The following ECHDC2 variants were observed in gnomAD, a reference collection of about 807,000 sequenced individuals.
ECHDC2 encodes the protein enoyl-CoA hydratase domain-containing protein 2, mitochondrial.
In ECHDC2, 34 loss-of-function variants were observed where a neutral mutation model predicts 40.6. The ratio of observed to expected loss-of-function variants is 0.84; its 90% CI spans 0.64 to 1.11. The LOEUF (loss-of-function observed/expected upper bound fraction) is 1.11. ECHDC2 is among the 50% of genes most tolerant of loss of function. The probability of loss-of-function intolerance (pLI) is 0.00; values close to 1 mark genes in which losing one functional copy is unlikely to be tolerated. For missense variants in ECHDC2, 392 were observed against 400.7 expected (o/e 0.98, Z 0.19); for synonymous variants, 162 against 166.6 (o/e 0.97, Z 0.21).
At chr1:52,904,325 T>C (rs1647216738) in intron 7 of ECHDC2, among the ~76,000 whole-genome samples, 1 of 152,342 alleles carries the variant, frequency 6.6e-6, no homozygotes, top group East Asian at 1.9e-4. Flanking sequence ...TTCTGCAATT[T>C]AAATCATTTG....
At chr1:52,897,660 A>G (rs1363187824) in intron 8 of ECHDC2, 176 bp from the exon 9 acceptor site, 3 of 668,508 alleles carry the variant, frequency 4.5e-6, no homozygotes, top group South Asian at 1.7e-5. Flanking sequence ...GCTGGGAGAA[A>G]CGAGACAGAC....
At chr1:52,909,471 T>C (rs1011103712) in intron 3 of ECHDC2, among the ~76,000 whole-genome samples, 2 of 150,380 alleles carry the variant, frequency 1.3e-5, no homozygotes. Flanking sequence ...ACTGGAAGAA[T>C]CGTCTTGGGC....
chr1:52,920,292 G>A (rs531500723), intron 1 of ECHDC2: 322 of 588,736 alleles, frequency 5.5e-4, no homozygotes, highest in Non-Finnish European at 4.4e-4. Flanking sequence ...CTTGGGAACA[G>A]TGGGCAACAG....
intron 9 of ECHDC2, chr1:52,897,107 T>G (rs1187837427): frequency 7.0e-6 from 3 of 428,802 alleles, no homozygotes; most frequent in African/African-American, 2.0e-5. Flanking sequence ...AACCAAGCCC[T>G]TGACCTCCCA....
chr1:52,898,808 C>T (rs1049646476), intron 8 of ECHDC2: 3 of 364,296 alleles, frequency 8.2e-6, no homozygotes, highest in African/African-American at 6.4e-5. Flanking sequence ...AAGGCATCAC[C>T]CCAAGCCCTG....
Position 52,921,707 on chromosome 1 carries a change from G to C in ECHDC2, c.-34C>G, listed in dbSNP as rs7552139. 805,676 of 1,483,702 alleles carry C rather than the reference G, an allele frequency of 0.54. 227,363 individuals are homozygous for C. Among genetic ancestry groups the C allele is most frequent in the Non-Finnish European group, 0.59 (657,535 of 1,123,174 alleles). 91.9% of individuals were successfully genotyped at this position (1,483,702 alleles called of 1,614,324 possible). On this transcript the variant is annotated 5_prime_UTR_variant, in exon 1 of 10. Coordinates refer to ENST00000371522, the MANE Select transcript of ECHDC2 (RefSeq NM_001198961.2). Reference sequence around the variant, plus strand: ...AGGCTGGGAGTGAAGGTGCTTCTCCGGCCCTGCACCGTCTCGGCTCCCGCT... The same window carrying C: ...AGGCTGGGAGTGAAGGTGCTTCTCCCGCCCTGCACCGTCTCGGCTCCCGCT...
chr1:52,921,419 G>C, intron 1 of ECHDC2, 134 bp downstream of exon 1: 1 of 1,426,780 alleles, frequency 7.0e-7, no homozygotes. Context: ...GGAGCGGTTT[G>C]GGGCGCCTAG....
In ECHDC2 at chr1:52,911,619, C is replaced by T. The variant is rs139969883; in HGVS notation, c.224G>A (p.Arg75Gln). Residue 75 changes from arginine to glutamine, a missense_variant, in exon 3 of 10, where the codon CGG becomes CAG. Physicochemically the swap from Arg to Gln is conservative, Grantham distance 43. Coordinates refer to ENST00000371522, the MANE Select transcript of ECHDC2 (RefSeq NM_001198961.2). Reference protein sequence around the residue: ...LETLAQLREDRQVRVLLFRSG... With the variant: ...LETLAQLREDQQVRVLLFRSG... ...TCTGAAGAGCAGGACACGCACTTGC[C>T]GGTCCTCCCGCAGCTGGGCCAGAGT... The T allele has an allele frequency of 9.4e-5, 152 of 1,614,180 alleles. No homozygotes were observed. In the African/African-American group the frequency reaches 1.1e-3, roughly 11 times the overall value.
intron 8 of ECHDC2, 141 bp from the exon 9 acceptor site, chr1:52,897,625 C>A (rs1646721648): frequency 2.5e-6 from 2 of 807,122 alleles, no homozygotes; most frequent in East Asian, 2.5e-5. Flanking sequence ...AGAGAAGAAA[C>A]ACCATTCGTA....
At chr1:52,900,741 G>A (rs1004594274) in intron 7 of ECHDC2, 11 of 152,306 alleles carry the variant, frequency 7.2e-5, no homozygotes, top group African/African-American at 2.4e-4. Flanking sequence ...AACTGGGGTA[G>A]TCACAGGTAA....
chr1:52,904,272 G>A (rs1444685954), intron 7 of ECHDC2, among the ~76,000 whole-genome samples: 1 of 152,148 alleles, frequency 6.6e-6, no homozygotes, highest in Non-Finnish European at 1.5e-5. Flanking sequence ...GTGGCTATTA[G>A]CATTTGAAAT....
At chr1:52,907,671 A>G in intron 4 of ECHDC2, 197 bp downstream of exon 4, 1 of 552,852 alleles carries the variant, frequency 1.8e-6, no homozygotes, top group African/African-American at 1.9e-5. Context: ...GCGGGACACA[A>G]AAGCTGAAGA....
chr1:52,908,004 G>A (rs770326097), intron 3 of ECHDC2, 50 bp from the exon 4 acceptor site: 37 of 1,562,630 alleles, frequency 2.4e-5, no homozygotes, highest in Admixed American at 1.8e-4. Flanking sequence ...GGCACTTTAC[G>A]GAATCCCAGG....
chr1:52,910,530 G>A (rs1296295011), intron 3 of ECHDC2, among the ~76,000 whole-genome samples: 1 of 151,288 alleles, frequency 6.6e-6, no homozygotes, highest in Non-Finnish European at 1.5e-5. Flanking sequence ...CACAATGCCT[G>A]GCTAATTTTT....
chr1:52,897,928 T>C lies in ECHDC2; in HGVS notation c.754-444A>G, dbSNP rs1324446729. 5 of 250,234 alleles carry C rather than the reference T, an allele frequency of 2.0e-5. No individual in the cohort carries two copies. In the South Asian group the frequency reaches 2.4e-4, roughly 12 times the overall value. The allele number at this position is 250,234 out of a possible 1,614,324, so 15.5% of individuals were successfully genotyped here. A position where few individuals can be genotyped will look rare whatever the true frequency, so the allele number is the denominator to read the frequency against. ...AGGCATAGAAAGGTGAAATAATTTG[T>C]CAAAGTTCACAACAGTATGTGGAAG... On this transcript the variant is annotated intron_variant, in intron 8 of 9. Coordinates refer to ENST00000371522, the MANE Select transcript of ECHDC2 (RefSeq NM_001198961.2).
At chr1:52,902,217 TGCGATCTCG>T (rs1196265432) in intron 7 of ECHDC2, among the ~76,000 whole-genome samples, 2 of 152,204 alleles carry the variant, frequency 1.3e-5, no homozygotes, top group East Asian at 3.8e-4. Context: ...AGTGCAGTGG[TGCGATCTCG>T]GCTCACTGCA....
At position 52,914,106 on chromosome 1, in the gene ECHDC2, A is replaced by G. The variant is rs1394382909; in HGVS notation, c.122-2316T>C. On this transcript the variant is annotated intron_variant, in intron 1 of 9. Coordinates refer to ENST00000371522, the MANE Select transcript of ECHDC2 (RefSeq NM_001198961.2). This position sits in a 1 kb window ranked among gnomAD's most constrained non-coding sequence, Gnocchi z 4.0. The stretch of plus-strand genomic sequence containing the variant: ...CATGGAACCTACAGCCTAGTGGGGA[A>G]GACAGACATTAAATAATTACTATTT... 4 of 528,928 alleles carry G rather than the reference A, an allele frequency of 7.6e-6. No individual in the cohort carries two copies. In the African/African-American group the frequency reaches 7.8e-5, roughly 10 times the overall value. 32.8% of individuals were successfully genotyped at this position (528,928 alleles called of 1,614,324 possible). A position where few individuals can be genotyped will look rare whatever the true frequency, so the allele number is the denominator to read the frequency against.
chr1:52,912,722 T>G (rs564797189), intron 1 of ECHDC2: 1 of 152,290 alleles, frequency 6.6e-6, no homozygotes, highest in African/African-American at 2.4e-5. Context: ...TTTATAATTT[T>G]TTTTTTTGAG....
chr1:52,899,233 A>G lies in ECHDC2; in HGVS notation c.703-9T>C, dbSNP rs765720936. The G allele has an allele frequency of 6.2e-6, 10 of 1,610,984 alleles. No individual in the cohort carries two copies. Among genetic ancestry groups the G allele is most frequent in the African/African-American group, 1.4e-5 (1 of 72,464 alleles). On this transcript the variant is annotated splice_polypyrimidine_tract_variant and intron_variant, in intron 7 of 9. Coordinates refer to ENST00000371522, the MANE Select transcript of ECHDC2 (RefSeq NM_001198961.2). ...CGCACGGCAATGGGGGCCTAGGGAA[A>G]AGCAAAAAGTCTTGGTTGAGGAGGG...
Sources: allele counts gnomAD v4.1 joint callset (sites outside exome capture counted in the v4.1 genomes callset), GRCh38; gene constraint gnomAD v4.1.1; non-coding constraint Gnocchi (gnomAD v3.1); transcripts MANE v1.5; gene names NCBI Gene and HGNC (gene_info 2026-07-23, HGNC 2026-07-21).